LARGE1: variants seen among roughly 807,000 people sequenced by gnomAD.
LARGE1 encodes the protein LARGE xylosyl- and glucuronyltransferase 1.
Under a neutral mutation model 87.6 loss-of-function variants are expected in LARGE1, and 43 were observed. The ratio of observed to expected loss-of-function variants is 0.49; its 90% confidence interval spans 0.38 to 0.63. The LOEUF is 0.63. Ranked by LOEUF, LARGE1 falls within the 30% of genes least tolerant of loss-of-function variation. LARGE1 has a pLI of 0.00. For missense variants in LARGE1, 802 were observed against 1,000.2 expected, an observed-to-expected ratio of 0.80 and a Z score of 2.67; for synonymous variants, 434 against 394.6, an observed-to-expected ratio of 1.10 and a Z score of -1.18.
intron 1 of LARGE1, among the ~76,000 whole-genome samples, chr22:33,783,613 G>A (rs1019815817): frequency 4.6e-5 from 7 of 152,148 alleles, no homozygotes; most frequent in African/African-American, 9.6e-5. Flanking sequence ...AAGAAGAGGT[G>A]TCTACTAAAA....
At chr22:33,852,018 C>A (rs1397823707) in intron 1 of LARGE1, among the ~76,000 whole-genome samples, 1 of 152,082 alleles carries the variant, frequency 6.6e-6, no homozygotes, top group Non-Finnish European at 1.5e-5. Flanking sequence ...CTCCATCACT[C>A]TATATTGTAT....
chr22:33,066,901 C>T, the LARGE1 span, among the ~76,000 whole-genome samples: 1 of 152,118 alleles, frequency 6.6e-6, no homozygotes, highest in Non-Finnish European at 1.5e-5. Flanking sequence ...GCCATCTGGC[C>T]ACACACCGGT....
intron 11 of LARGE1, among the ~76,000 whole-genome samples, chr22:33,260,338 C>A (rs1024902188): frequency 5.3e-5 from 8 of 152,208 alleles, no homozygotes; most frequent in Admixed American, 3.3e-4. Context: ...AAAACACCTT[C>A]CTCAGACTCT....
intron 6 of LARGE1, among the ~76,000 whole-genome samples, chr22:33,515,091 A>G (rs929121550): frequency 6.6e-6 from 1 of 152,044 alleles, no homozygotes; most frequent in African/African-American, 2.4e-5. Flanking sequence ...GCCAAGAATG[A>G]ACCCCTCCCA....
intron 2 of LARGE1, chr22:33,733,305 T>C (rs1192908319): frequency 1.3e-5 from 2 of 152,212 alleles, no homozygotes; most frequent in Non-Finnish European, 2.9e-5. Context: ...AAAATAACTC[T>C]TCTATTTTTA....
chr22:33,278,542 A>ATCTCTCTC (rs369492393), intron 13 of LARGE1, among the ~76,000 whole-genome samples: 54 of 145,840 alleles, frequency 3.7e-4, no homozygotes, highest in African/African-American at 1.4e-3. Context: ...ACTATTTTAA[A>ATCTCTCTC]TCTCTCTCTC....
intron 11 of LARGE1, among the ~76,000 whole-genome samples, chr22:33,179,017 G>A (rs1406278764): frequency 6.6e-6 from 1 of 152,136 alleles, no homozygotes; most frequent in Non-Finnish European, 1.5e-5. Flanking sequence ...GGCATCACAC[G>A]GCAAGAGGGC....
At chr22:33,256,286 TCA>T (rs971313700) in intron 11 of LARGE1, among the ~76,000 whole-genome samples, 6 of 152,216 alleles carry the variant, frequency 3.9e-5, no homozygotes, top group African/African-American at 1.4e-4. Context: ...TTTAAACCAT[TCA>T]CAGAGCCAGC....
intron 9 of LARGE1, among the ~76,000 whole-genome samples, chr22:33,348,524 A>T (rs1443274327): frequency 6.6e-6 from 1 of 152,122 alleles, no homozygotes; most frequent in Non-Finnish European, 1.5e-5. Flanking sequence ...ACTTGACTGG[A>T]TCATGGTGTG....
chr22:33,916,426 T>A (rs890315323), intron 1 of LARGE1, among the ~76,000 whole-genome samples: 5 of 152,196 alleles, frequency 3.3e-5, no homozygotes, highest in Non-Finnish European at 7.3e-5. Flanking sequence ...TATTATTTGT[T>A]AAACGAAAAG....
At chr22:33,534,123 A>C (rs2076974053) in intron 6 of LARGE1, among the ~76,000 whole-genome samples, 1 of 152,010 alleles carries the variant, frequency 6.6e-6, no homozygotes, top group Non-Finnish European at 1.5e-5. Flanking sequence ...GGATGAAGTC[A>C]GCCGGGCGTG....
chr22:33,914,811 C>G (rs2065735737), intron 1 of LARGE1, among the ~76,000 whole-genome samples: 2 of 152,130 alleles, frequency 1.3e-5, no homozygotes, highest in South Asian at 4.1e-4. Flanking sequence ...TAAATTCCTA[C>G]TTACAAGATC....
At chr22:33,920,885 G>A (rs1276160106), upstream of LARGE1, among the ~76,000 whole-genome samples, 5 of 146,474 alleles carry the variant, frequency 3.4e-5, no homozygotes, top group Admixed American at 3.4e-4. Flanking sequence ...CGCCTCCCGC[G>A]CCCGGCCAGG....
At chr22:33,477,232 G>A (rs1256506494) in intron 6 of LARGE1, among the ~76,000 whole-genome samples, 2 of 152,212 alleles carry the variant, frequency 1.3e-5, no homozygotes, top group Admixed American at 1.3e-4. Context: ...GAGATCAAGT[G>A]ACTATAATTA....
intron 1 of LARGE1, among the ~76,000 whole-genome samples, chr22:33,783,748 C>T (rs138548589): frequency 3.3e-5 from 5 of 152,226 alleles, no homozygotes; most frequent in Non-Finnish European, 5.9e-5. Context: ...AGGATATGGT[C>T]GCAGGATAAG....
At chr22:33,294,163 C>T (rs886443588) in intron 12 of LARGE1, among the ~76,000 whole-genome samples, 22 of 152,236 alleles carry the variant, frequency 1.4e-4, no homozygotes, top group Non-Finnish European at 1.9e-4. Context: ...CAGGTTTCCA[C>T]GCCTGTAACA....
chr22:33,531,118 T>C (rs1327645886), intron 6 of LARGE1, among the ~76,000 whole-genome samples: 7 of 152,212 alleles, frequency 4.6e-5, no homozygotes, highest in East Asian at 1.9e-4. Context: ...ACTATACTTA[T>C]AGACAAACTG....
intron 1 of LARGE1, among the ~76,000 whole-genome samples, chr22:33,915,688 A>G (rs773720821): frequency 3.5e-4 from 54 of 152,234 alleles, no homozygotes; most frequent in Non-Finnish European, 7.2e-4. Flanking sequence ...TAGCATGCTC[A>G]GATTTTATCT....
At chr22:33,738,496 T>C (rs779342410) in intron 2 of LARGE1, among the ~76,000 whole-genome samples, 4 of 152,132 alleles carry the variant, frequency 2.6e-5, no homozygotes, top group Non-Finnish European at 4.4e-5. Flanking sequence ...GGGAATAGTG[T>C]CCATCTGGCT....
Sources: allele counts gnomAD v4.1 joint callset (sites outside exome capture counted in the v4.1 genomes callset), GRCh38; gene constraint gnomAD v4.1.1; transcripts MANE v1.5; gene names NCBI Gene and HGNC (gene_info 2026-07-23, HGNC 2026-07-21).